Variants in ACP3 observed in about 807,000 individuals in gnomAD.
ACP3 encodes prostatic acid phosphatase.
A neutral mutation model predicts 45.6 loss-of-function variants in ACP3; 38 were observed. The observed-to-expected ratio is 0.83, with a 90% CI of 0.64 to 1.09. ACP3 has a LOEUF of 1.09. Ranked by LOEUF, ACP3 falls within the 50% of genes least tolerant of loss-of-function variation. The pLI, the probability that ACP3 is intolerant of heterozygous loss-of-function variation, is 0.00. For synonymous variants in ACP3, 162 were observed against 164.7 expected (o/e 0.98, Z 0.13); for missense variants, 466 against 463.2 (o/e 1.01, Z -0.05).
intron 7 of ACP3, among the ~76,000 whole-genome samples, chr3:132,347,626 T>C (rs781419611): frequency 2.0e-5 from 3 of 151,914 alleles, no homozygotes; most frequent in Non-Finnish European, 4.4e-5. Flanking sequence ...ACTACAGTCA[T>C]GCACCACCAT....
rs1937928304 is a variant in ACP3, at chr3:132,357,245, A to G, written c.*367A>G. ...AGATTTTGCTTGAGCAGGATTAGATAAGGCTGTTCTTTAAATGTCTGAAAT... is the reference window on the plus strand; with the variant it reads ...AGATTTTGCTTGAGCAGGATTAGATGAGGCTGTTCTTTAAATGTCTGAAAT... On this transcript the variant is annotated 3_prime_UTR_variant, in exon 10 of 10. Coordinates refer to ENST00000336375, the MANE Select transcript of ACP3 (RefSeq NM_001099.5). The G allele has an allele frequency of 1.6e-5, 16 of 993,794 alleles. No individual in the cohort carries two copies. Among genetic ancestry groups the G allele is most frequent in the Middle Eastern group, 5.1e-4 (1 of 1,956 alleles). The allele number at this position is 993,794 out of a possible 1,614,324, so 61.6% of individuals were successfully genotyped here. A position where few individuals can be genotyped will look rare whatever the true frequency, so the allele number is the denominator to read the frequency against.
intron 3 of ACP3, 68 bp from the exon 4 acceptor site, chr3:132,332,124 G>A: frequency 1.3e-6 from 2 of 1,569,630 alleles, no homozygotes; most frequent in Non-Finnish European, 1.8e-6. Context: ...CTAATACCTT[G>A]GCAGCTCTGT....
In ACP3 at chr3:132,347,844, T is replaced by TACACACACAC. The variant is rs112045628; in HGVS notation, c.782-2057_782-2048dup. Among the ~76,000 whole-genome samples, 452 of 144,974 alleles carry TACACACACAC rather than the reference T, an allele frequency of 3.1e-3. 2 individuals are homozygous for TACACACACAC. Among genetic ancestry groups the TACACACACAC allele is most frequent in the Middle Eastern group, 7.0e-3 (2 of 286 alleles). On this transcript the variant is annotated intron_variant, in intron 7 of 9. Coordinates refer to ENST00000336375, the MANE Select transcript of ACP3 (RefSeq NM_001099.5). Reference sequence around the variant, plus strand: ...CACTGTTCAGTAAGACACACACACATACACACACACACACACACACACACA... The same window carrying TACACACACAC: ...CACTGTTCAGTAAGACACACACACATACACACACACACACACACACACACACACACACACA...
chr3:132,359,462 C>T (rs1403985049), downstream of ACP3, among the ~76,000 whole-genome samples: 2 of 152,032 alleles, frequency 1.3e-5, no homozygotes, highest in African/African-American at 2.4e-5. Context: ...GAGCCGAGAT[C>T]GCGCCACTGC....
At chr3:132,333,672 C>T (rs1024324087) in intron 4 of ACP3, among the ~76,000 whole-genome samples, 7 of 152,098 alleles carry the variant, frequency 4.6e-5, no homozygotes. Flanking sequence ...ATCTCTTTTC[C>T]TTCACAGAAT....
exon 11 of ACP3, chr3:132,367,764 T>A (rs1386758211): frequency 6.2e-7 from 1 of 1,613,964 alleles, no homozygotes; most frequent in Admixed American, 1.7e-5. Flanking sequence ...ATGGTACTAC[T>A]GTTTATCCAC....
At chr3:132,342,271 C>T (rs1937560484) in intron 5 of ACP3, among the ~76,000 whole-genome samples, 1 of 152,118 alleles carries the variant, frequency 6.6e-6, no homozygotes, top group African/African-American at 2.4e-5. Flanking sequence ...TTATCGTAAC[C>T]AATATTACTG....
At chr3:132,337,295 ATTCT>A (rs1234044692) in intron 4 of ACP3, 157 bp from the exon 5 acceptor site, 2 of 505,322 alleles carry the variant, frequency 4.0e-6, no homozygotes, top group East Asian at 5.8e-5. Flanking sequence ...AGATCATTTG[ATTCT>A]TTCTCCCCAA....
chr3:132,328,454 G>A lies in ACP3; in HGVS notation c.216+92G>A, dbSNP rs138732890. ...AGCACTTTGGGAGGCCGAGGCAGGC[G>A]GATCAACTGAGGTCAGGAGTTCGAG... On this transcript the variant is annotated intron_variant, in intron 2 of 9. Coordinates refer to ENST00000336375, the MANE Select transcript of ACP3 (RefSeq NM_001099.5). The A allele has an allele frequency of 2.2e-4, 226 of 1,033,288 alleles. No individual in the cohort carries two copies. In the African/African-American group the frequency reaches 2.6e-3, roughly 12 times the overall value. The allele number at this position is 1,033,288 out of a possible 1,614,324, so 64.0% of individuals were successfully genotyped here.
Position 132,358,369 on chromosome 3 carries a change from G to T in ACP3, c.*1491G>T, listed in dbSNP as rs1387544795. On this transcript the variant is annotated 3_prime_UTR_variant, in exon 10 of 10. Transcript: ENST00000336375. ...TACGTTAGGAGGACAAAAGGAATGT[G>T]TAAGTCTTTAATGCCGATATCTTCA... 8.2e-7 allele frequency: 1 copy of T among 1,214,470 alleles called. No homozygotes were observed. The highest frequency in any genetic ancestry group is 1.1e-6 in the Non-Finnish European group (1 of 942,624). 75.2% of individuals were successfully genotyped at this position (1,214,470 alleles called of 1,614,324 possible).
intron 10 of ACP3, among the ~76,000 whole-genome samples, chr3:132,366,263 G>A (rs141981288): frequency 1.1e-4 from 17 of 149,842 alleles, no homozygotes; most frequent in Admixed American, 2.7e-4. Context: ...TCATGCCACT[G>A]CACTCCAGCT....
At chr3:132,350,834 A>G (rs1473451991) in intron 8 of ACP3, among the ~76,000 whole-genome samples, 1 of 152,192 alleles carries the variant, frequency 6.6e-6, no homozygotes, top group Non-Finnish European at 1.5e-5. Flanking sequence ...TAGGAGCAGC[A>G]TTTTGGAAAT....
rs767716604 is a variant in ACP3 at position 132,349,938 on chromosome 3, T to A, written c.800T>A (p.Ile267Asn). The A allele has an allele frequency of 6.2e-7, 1 of 1,612,410 alleles. No individual in the cohort carries two copies. The highest frequency in any genetic ancestry group is 8.5e-7 in the Non-Finnish European group (1 of 1,178,638). ...RLQGGVLVNE[I>N]LNHMKRATQI... ...CTTTAAGGTGTCCTGGTCAATGAAA[T>A]CCTCAATCACATGAAGAGAGCAACT... Residue 267 changes from isoleucine (I) to asparagine (N), a missense_variant, in exon 8 of 10, where the codon ATC becomes AAC. Ile to Asn is a moderately radical substitution (Grantham distance 149, BLOSUM62 -3). Coordinates refer to ENST00000336375, the MANE Select transcript of ACP3 (RefSeq NM_001099.5).
At chr3:132,332,603 C>T (rs886822464) in intron 4 of ACP3, 3 of 420,394 alleles carry the variant, frequency 7.1e-6, no homozygotes, top group South Asian at 3.0e-5. Context: ...GCCCCCTCAT[C>T]GTCATACACA....
intron 1 of ACP3, among the ~76,000 whole-genome samples, chr3:132,321,130 A>T (rs145691784): frequency 1.3e-4 from 20 of 152,028 alleles, no homozygotes; most frequent in African/African-American, 4.8e-4. Context: ...ACACCATTGC[A>T]CTCCAGCCTG....
At chr3:132,328,185 G>GAAA in intron 1 of ACP3, 82 bp from the exon 2 acceptor site, 14 of 921,384 alleles carry the variant, frequency 1.5e-5, no homozygotes, top group Non-Finnish European at 2.0e-5. Context: ...CAATGAGTTA[G>GAAA]AAAAAAAAAA....
At chr3:132,321,867 G>C (rs1937212499) in intron 1 of ACP3, among the ~76,000 whole-genome samples, 1 of 152,064 alleles carries the variant, frequency 6.6e-6, no homozygotes, top group African/African-American at 2.4e-5. Context: ...CTAAATGTCT[G>C]AATAATATAA....
chr3:132,352,695 A>G (rs546375423), intron 8 of ACP3, 25 bp from the exon 9 acceptor site: 19 of 1,537,980 alleles, frequency 1.2e-5, no homozygotes, highest in African/African-American at 4.1e-5. Flanking sequence ...TGAACAGGCG[A>G]TAAAATTGAT....
intron 3 of ACP3, 116 bp from the exon 4 acceptor site, chr3:132,332,076 T>C: frequency 1.7e-6 from 2 of 1,158,672 alleles, no homozygotes; most frequent in East Asian, 4.7e-5. Context: ...GTTAGCACAA[T>C]GTCTGTAATA....
Sources: gnomAD v4.1 joint callset for allele counts (sites outside exome capture counted in the v4.1 genomes callset) on GRCh38, gnomAD v4.1.1 for gene constraint, MANE v1.5 for transcripts, NCBI Gene and HGNC (gene_info 2026-07-23, HGNC 2026-07-21) for gene names.